The following GRIK1 variants were observed in gnomAD, a reference collection of about 807,000 sequenced individuals.
GRIK1 encodes glutamate ionotropic receptor kainate type subunit 1, also known as glutamate receptor ionotropic, kainate 1.
Under a neutral mutation model 105.7 loss-of-function variants are expected in GRIK1, and 69 were observed. That is an observed-to-expected ratio of 0.65 (90% CI 0.54 to 0.80). The LOEUF is 0.80. Among genes scored for constraint, GRIK1 ranks in the 30% least tolerant of loss-of-function variants. GRIK1 has a pLI of 0.00. For synonymous variants in GRIK1, 438 were observed against 431.3 expected, an observed-to-expected ratio of 1.02 and a Z score of -0.19; for missense variants, 1,109 against 1,167.3, an observed-to-expected ratio of 0.95 and a Z score of 0.73.
intron 1 of GRIK1, among the ~76,000 whole-genome samples, chr21:29,767,261 G>A (rs190836736): frequency 1.3e-5 from 2 of 152,300 alleles, no homozygotes; most frequent in African/African-American, 4.8e-5. Context: ...TATCCTGTAT[G>A]TCTTTTTCTG....
intron 1 of GRIK1, among the ~76,000 whole-genome samples, chr21:29,866,800 T>C (rs73345414): frequency 0.023 from 3,533 of 152,364 alleles, 150 homozygotes; most frequent in African/African-American, 0.08. Context: ...TTTTGAGCTT[T>C]GTATTCAAAA....
At chr21:29,609,712 T>C (rs1341913244) in intron 7 of GRIK1, among the ~76,000 whole-genome samples, 2 of 152,184 alleles carry the variant, frequency 1.3e-5, no homozygotes, top group African/African-American at 2.4e-5. Flanking sequence ...CTGGGAGTTA[T>C]ACCATCAGCT....
At position 29,698,623 on chromosome 21, in the gene GRIK1, C is replaced by T. The variant is rs539507542; in HGVS notation, c.119-4560G>A. Among the ~76,000 whole-genome samples the T allele has an allele frequency of 5.3e-5, 8 of 152,154 alleles. No individual in the cohort carries two copies. The South Asian group carries it at 1.7e-3, about 32-fold the overall frequency. ...AACTATTTTTTTATCATGTCTATGT[C>T]GTAGATCAGTTTGAGTCAGTACAGA... On this transcript the variant is annotated intron_variant, in intron 1 of 17. Transcript: ENST00000327783.
At chr21:29,867,962 GAGAGAGAAAA>G (rs143308114) in intron 1 of GRIK1, among the ~76,000 whole-genome samples, 16,324 of 131,554 alleles carry the variant, frequency 0.12, 1,152 homozygotes, top group East Asian at 0.31. Context: ...GAGAGAAAAT[GAGAGAGAAAA>G]AGAGAGAAAA....
intron 1 of GRIK1, among the ~76,000 whole-genome samples, chr21:29,781,434 A>G (rs1207029825): frequency 6.6e-6 from 1 of 152,010 alleles, no homozygotes; most frequent in East Asian, 1.9e-4. Context: ...CTCTTTATAA[A>G]TACGTACCTA....
intron 1 of GRIK1, among the ~76,000 whole-genome samples, chr21:29,855,694 G>A (rs897018495): frequency 6.6e-6 from 1 of 152,172 alleles, no homozygotes; most frequent in Non-Finnish European, 1.5e-5. Context: ...TAGATCAGCT[G>A]GGGAAAGAGG....
In GRIK1 at chr21:29,908,966, C is replaced by A. The variant is rs375710667; in HGVS notation, c.118+30417G>T. Among the ~76,000 whole-genome samples, 60 of 152,242 alleles carry A rather than the reference C, an allele frequency of 3.9e-4. No individual in the cohort carries two copies. The South Asian group carries it at 0.012, about 30-fold the overall frequency. ...ATGAATTATTTTCCATATGAACAAA[C>A]TAAGTAAACTTTCAATTTTGAGTAC... On this transcript the variant is annotated intron_variant, in intron 1 of 17. Transcript: ENST00000327783.
intron 7 of GRIK1, among the ~76,000 whole-genome samples, chr21:29,630,230 A>G (rs1185818970): frequency 6.6e-6 from 1 of 152,200 alleles, no homozygotes; most frequent in Non-Finnish European, 1.5e-5. Flanking sequence ...ACAGAAAAAT[A>G]TAGTATGGAG....
intron 1 of GRIK1, among the ~76,000 whole-genome samples, chr21:29,913,765 C>T (rs2070900405): frequency 6.6e-6 from 1 of 151,474 alleles, no homozygotes; most frequent in Non-Finnish European, 1.5e-5. Context: ...AATCTTATGG[C>T]AGTCTGAATA....
intron 1 of GRIK1, among the ~76,000 whole-genome samples, chr21:29,860,829 T>C (rs932287326): frequency 6.6e-6 from 1 of 152,190 alleles, no homozygotes; most frequent in African/African-American, 2.4e-5. Flanking sequence ...TTTGAACATT[T>C]GAAAGAGCCA....
Position 29,827,533 on chromosome 21 carries a change from T to C in GRIK1, c.118+111850A>G, listed in dbSNP as rs991640814. On this transcript the variant is annotated intron_variant, in intron 1 of 17. Transcript: ENST00000327783. Reference sequence around the variant, plus strand: ...GCCATTGCAGCAAGTAGGGTGGACATCTCAGGTTTCCCCAAATCCTATTTT... The same window carrying C: ...GCCATTGCAGCAAGTAGGGTGGACACCTCAGGTTTCCCCAAATCCTATTTT... 2.0e-5 allele frequency among the ~76,000 whole-genome samples: 3 copies of C among 152,224 alleles called. No individual in the cohort carries two copies. In the East Asian group the frequency reaches 5.8e-4, roughly 29 times the overall value.
chr21:29,799,165 T>C (rs2066637242), intron 1 of GRIK1, among the ~76,000 whole-genome samples: 2 of 152,346 alleles, frequency 1.3e-5, no homozygotes, highest in South Asian at 2.1e-4. Flanking sequence ...ATCTTCCGTC[T>C]TGGACATTTC....
chr21:29,811,556 G>A (rs2067010303), intron 1 of GRIK1, among the ~76,000 whole-genome samples: 1 of 152,086 alleles, frequency 6.6e-6, no homozygotes, highest in Admixed American at 6.5e-5. Flanking sequence ...TATGTTTAGT[G>A]GAGTTTCCTA....
chr21:29,919,915 A>G (rs971072635), intron 1 of GRIK1, among the ~76,000 whole-genome samples: 1 of 152,102 alleles, frequency 6.6e-6, no homozygotes, highest in Admixed American at 6.6e-5. Context: ...AAATAAACCA[A>G]TTAAGTTTTG....
chr21:29,803,386 C>T (rs1368588427), intron 1 of GRIK1, among the ~76,000 whole-genome samples: 2 of 152,184 alleles, frequency 1.3e-5, no homozygotes, highest in Non-Finnish European at 2.9e-5. Context: ...ATATGCACCA[C>T]ATAAGCAAAT....
chr21:29,895,900 C>T (rs1044673822), intron 1 of GRIK1, among the ~76,000 whole-genome samples: 1 of 152,192 alleles, frequency 6.6e-6, no homozygotes, highest in Admixed American at 6.5e-5. Context: ...ACTGACTTCT[C>T]ATCATACTCA....
intron 7 of GRIK1, among the ~76,000 whole-genome samples, chr21:29,619,404 T>C (rs1259208202): frequency 6.6e-6 from 1 of 151,792 alleles, no homozygotes; most frequent in Non-Finnish European, 1.5e-5. Context: ...GCCACTGCAC[T>C]CCAGCCTGAA....
chr21:29,646,070 T>C (rs55746534), intron 6 of GRIK1, among the ~76,000 whole-genome samples: 3,154 of 152,306 alleles, frequency 0.021, 38 homozygotes, highest in East Asian at 0.063. Context: ...AATAAGAGTG[T>C]CATTGTATTC....
chr21:29,836,756 C>T (rs905371073), intron 1 of GRIK1, among the ~76,000 whole-genome samples: 7 of 152,254 alleles, frequency 4.6e-5, no homozygotes, highest in Non-Finnish European at 7.4e-5. Flanking sequence ...TAAATTCTAA[C>T]GTGTCCATAC....
Sources: allele counts gnomAD v4.1 joint callset (sites outside exome capture counted in the v4.1 genomes callset), GRCh38; gene constraint gnomAD v4.1.1; transcripts MANE v1.5; gene names NCBI Gene and HGNC (gene_info 2026-07-23, HGNC 2026-07-21).